RALYL: variants seen among roughly 807,000 people sequenced by gnomAD.
RALYL encodes the protein RALY RNA binding protein like.
RALYL carries 29 observed loss-of-function variants against 35.1 expected under a neutral mutation model. The observed-to-expected ratio is 0.83, with a 90% CI of 0.61 to 1.13. The LOEUF (loss-of-function observed/expected upper bound fraction) is 1.13, where lower values mean the gene tolerates loss of function less well. RALYL is among the 50% of genes most tolerant of loss of function. RALYL has a pLI of 0.00. For missense variants in RALYL, 359 were observed against 360.4 expected (o/e 1.00, Z 0.03); for synonymous variants, 120 against 127.6 (o/e 0.94, Z 0.40).
chr8:84,633,392 T>G (rs1036531293), intron 2 of RALYL, among the ~76,000 whole-genome samples: 1 of 151,822 alleles, frequency 6.6e-6, no homozygotes, highest in Admixed American at 6.6e-5. Context: ...AAAAAAAAAT[T>G]TTTAGCTGCA....
chr8:84,538,823 A>G (rs1321979512), intron 2 of RALYL, among the ~76,000 whole-genome samples: 2 of 152,192 alleles, frequency 1.3e-5, no homozygotes, highest in African/African-American at 2.4e-5. Flanking sequence ...AACACACAAT[A>G]GGAAGTGGGA....
intron 1 of RALYL, among the ~76,000 whole-genome samples, chr8:84,457,816 CT>C (rs1381336616): frequency 1.3e-5 from 2 of 151,742 alleles, no homozygotes; most frequent in African/African-American, 4.8e-5. Context: ...ATAACTCCTC[CT>C]TTTTTTCTAT....
chr8:84,831,873 G>A lies in RALYL; in HGVS notation c.366-18107G>A, dbSNP rs558003392. On this transcript the variant is annotated intron_variant, in intron 4 of 8. Transcript: ENST00000521268. ...GTTCTTTTTTGCTTCTATAATATTT[G>A]TATGAAATACTCATTTTAGATAGTA... Among the ~76,000 whole-genome samples, 4 of 152,114 alleles carry A rather than the reference G, an allele frequency of 2.6e-5. No homozygotes were observed. The East Asian group carries it at 7.7e-4, about 29-fold the overall frequency.
At chr8:84,795,038 A>C (rs187558485) in intron 3 of RALYL, among the ~76,000 whole-genome samples, 93 of 152,294 alleles carry the variant, frequency 6.1e-4, no homozygotes, top group Non-Finnish European at 2.9e-5. Flanking sequence ...AAACTTACCA[A>C]GGGGCTTGAT....
intron 1 of RALYL, among the ~76,000 whole-genome samples, chr8:84,440,656 T>C (rs2048231523): frequency 6.6e-6 from 1 of 152,094 alleles, no homozygotes; most frequent in African/African-American, 2.4e-5. Context: ...CATTTGAGAT[T>C]CATCTACTTT....
chr8:84,457,021 A>G (rs908003653), intron 1 of RALYL, among the ~76,000 whole-genome samples: 5 of 151,962 alleles, frequency 3.3e-5, no homozygotes, highest in Admixed American at 1.3e-4. Flanking sequence ...AAGAATCTCT[A>G]TTGTATTTTT....
intron 2 of RALYL, among the ~76,000 whole-genome samples, chr8:84,582,805 G>C (rs1176718054): frequency 6.6e-6 from 1 of 151,918 alleles, no homozygotes; most frequent in African/African-American, 2.4e-5. Flanking sequence ...GTGTGGTATA[G>C]AATCTATAAG....
At chr8:84,607,090 A>G (rs73294075) in intron 2 of RALYL, among the ~76,000 whole-genome samples, 3,049 of 152,058 alleles carry the variant, frequency 0.02, 118 homozygotes, top group African/African-American at 0.07. Flanking sequence ...TATTTGTGTT[A>G]TTTTTAACTC....
intron 2 of RALYL, among the ~76,000 whole-genome samples, chr8:84,637,881 G>A (rs1057495205): frequency 2.0e-5 from 3 of 151,836 alleles, no homozygotes; most frequent in African/African-American, 7.3e-5. Context: ...AAATGTGCAT[G>A]GTTTAAGGGA....
intron 7 of RALYL, among the ~76,000 whole-genome samples, chr8:84,884,998 C>A (rs1842738592): frequency 6.6e-6 from 1 of 151,908 alleles, no homozygotes; most frequent in Non-Finnish European, 1.5e-5. Context: ...GTCAAAGGAT[C>A]AGTGATAGGA....
chr8:84,673,968 C>T (rs142929692), intron 2 of RALYL, among the ~76,000 whole-genome samples: 68 of 152,246 alleles, frequency 4.5e-4, no homozygotes, highest in Non-Finnish European at 6.0e-4. Context: ...TTGCTTTGGG[C>T]AGTATGGCTA....
At chr8:84,911,631 C>A (rs192780668) in intron 8 of RALYL, among the ~76,000 whole-genome samples, 153 of 152,142 alleles carry the variant, frequency 1.0e-3, no homozygotes, top group African/African-American at 3.6e-3. Flanking sequence ...GAGATAGCAT[C>A]CGAACCCACA....
At chr8:84,758,548 A>G (rs973963437) in intron 2 of RALYL, among the ~76,000 whole-genome samples, 2 of 152,152 alleles carry the variant, frequency 1.3e-5, no homozygotes, top group African/African-American at 4.8e-5. Flanking sequence ...GTTTAGGTGG[A>G]GGAGGATTAT....
At chr8:84,792,963 T>A (rs1455911805) in intron 3 of RALYL, among the ~76,000 whole-genome samples, 1 of 152,182 alleles carries the variant, frequency 6.6e-6, no homozygotes, top group East Asian at 1.9e-4. Flanking sequence ...AGCCAGACTG[T>A]CTACCAGAGA....
intron 6 of RALYL, 26 bp downstream of exon 6, chr8:84,862,479 C>A (rs746977194): frequency 3.3e-6 from 5 of 1,517,390 alleles, no homozygotes; most frequent in East Asian, 4.8e-5. Flanking sequence ...CATTTTATTT[C>A]TCTTTAAAGA....
Position 84,689,739 on chromosome 8 carries a change from G to A in RALYL, c.257-84840G>A, listed in dbSNP as rs571700771. 3.3e-5 allele frequency among the ~76,000 whole-genome samples: 5 copies of A among 152,228 alleles called. No individual in the cohort carries two copies. The South Asian group carries it at 1.0e-3, about 32-fold the overall frequency. ...TTTCTCCACATCCTCTCCAGCACCT[G>A]TTGTTTCCTGACTTTTTAATGTTTG... On this transcript the variant is annotated intron_variant, in intron 2 of 8. Coordinates refer to ENST00000521268, the MANE Select transcript of RALYL (RefSeq NM_173848.7).
At chr8:84,372,888 T>TTTTTTTTTTTGTTTTGTTTTG (rs1856095224) in intron 1 of RALYL, among the ~76,000 whole-genome samples, 2 of 107,582 alleles carry the variant, frequency 1.9e-5, no homozygotes, top group African/African-American at 4.3e-5. Flanking sequence ...CAGCATCTGT[T>TTTTTTTTTTTGTTTTGTTTTG]TTTTTTTTTT....
At position 84,412,180 on chromosome 8, in the gene RALYL, CA is replaced by C. The variant is rs529185392; in HGVS notation, c.-23-117110del. On this transcript the variant is annotated intron_variant, in intron 1 of 8. Coordinates refer to ENST00000521268, the MANE Select transcript of RALYL (RefSeq NM_173848.7). ...ATTATATTACTTATTGTCTAGACAG[CA>C]AAAAAAAATACAAAGATACAAATCA... Among the ~76,000 whole-genome samples the C allele has an allele frequency of 1.2e-3, 181 of 147,444 alleles. 2 individuals carry two copies. Among genetic ancestry groups the C allele is most frequent in the Middle Eastern group, 7.0e-3 (2 of 286 alleles).
chr8:84,863,109 A>G (rs1008876050), intron 6 of RALYL, among the ~76,000 whole-genome samples: 2 of 152,232 alleles, frequency 1.3e-5, no homozygotes, highest in Non-Finnish European at 2.9e-5. Context: ...AGAAAGGATA[A>G]CAAAATTTCC....
Sources: gnomAD v4.1 joint callset for allele counts (sites outside exome capture counted in the v4.1 genomes callset) on GRCh38, gnomAD v4.1.1 for gene constraint, MANE v1.5 for transcripts, NCBI Gene and HGNC (gene_info 2026-07-23, HGNC 2026-07-21) for gene names.